PLD5: variants seen among roughly 807,000 people sequenced by gnomAD.
PLD5 encodes the protein inactive phospholipase D5.
A neutral mutation model predicts 61.1 loss-of-function variants in PLD5; 36 were observed. The observed-to-expected ratio is 0.59, with a 90% CI of 0.45 to 0.78. The LOEUF (loss-of-function observed/expected upper bound fraction) is 0.78, where lower values mean the gene tolerates loss of function less well. Ranked by LOEUF, PLD5 falls within the 30% of genes least tolerant of loss-of-function variation. The pLI is 0.00. For missense variants in PLD5, 515 were observed against 644.4 expected (o/e 0.80, Z 2.17); for synonymous variants, 243 against 242.8 (o/e 1.00, Z -0.01).
At chr1:242,527,344 C>G (rs1244929209), upstream of PLD5, among the ~76,000 whole-genome samples, 1 of 152,014 alleles carries the variant, frequency 6.6e-6, no homozygotes, top group African/African-American at 2.4e-5. Context: ...CCATGTAGCC[C>G]AGGCTGGTCT....
intron 7 of PLD5, among the ~76,000 whole-genome samples, chr1:242,110,561 G>C (rs1197934002): frequency 3.9e-5 from 6 of 152,172 alleles, no homozygotes; most frequent in Non-Finnish European, 7.3e-5. Context: ...TGTAATCCTA[G>C]TACTTTGGGA....
At chr1:242,245,132 A>G (rs1672282150) in intron 4 of PLD5, among the ~76,000 whole-genome samples, 1 of 152,170 alleles carries the variant, frequency 6.6e-6, no homozygotes, top group Non-Finnish European at 1.5e-5. Flanking sequence ...TCAGACTTGA[A>G]CCACTGTAAT....
chr1:242,396,035 TGAGACTCCATCTCAA>T (rs1199904314), intron 1 of PLD5, among the ~76,000 whole-genome samples: 1 of 151,900 alleles, frequency 6.6e-6, no homozygotes, highest in African/African-American at 2.4e-5. Context: ...GTAATAAGAA[TGAGACTCCATCTCAA>T]AAAAAAAAGT....
Position 242,148,008 on chromosome 1 carries a change from A to G in PLD5, c.736-23343T>C, listed in dbSNP as rs147773431. 1.4e-4 allele frequency among the ~76,000 whole-genome samples: 21 copies of G among 152,286 alleles called. 1 individual carries two copies. In the East Asian group the frequency reaches 4.0e-3, roughly 29 times the overall value. On this transcript the variant is annotated intron_variant, in intron 5 of 9. Transcript: ENST00000536534. ...TTCTCAGCAATTTATTCCAACAAAC[A>G]GTACTTAATTTTGATAAAATTCAAT...
intron 1 of PLD5, among the ~76,000 whole-genome samples, chr1:242,384,375 T>C (rs1662475590): frequency 6.6e-6 from 1 of 152,212 alleles, no homozygotes; most frequent in African/African-American, 2.4e-5. Flanking sequence ...CTTCCTGAGT[T>C]CTGAGGGGCT....
chr1:242,190,697 C>T (rs1253838751), intron 5 of PLD5, among the ~76,000 whole-genome samples: 6 of 151,316 alleles, frequency 4.0e-5, no homozygotes, highest in Admixed American at 3.3e-4. Context: ...GGCTGGGCAA[C>T]ATGGCAAAAC....
At chr1:242,495,185 A>G (rs868169800) in intron 1 of PLD5, among the ~76,000 whole-genome samples, 1 of 152,100 alleles carries the variant, frequency 6.6e-6, no homozygotes, top group Non-Finnish European at 1.5e-5. Context: ...AAATGCCTTC[A>G]TTGTCTAATT....
At chr1:242,175,205 A>G (rs567896832) in intron 5 of PLD5, among the ~76,000 whole-genome samples, 1 of 152,312 alleles carries the variant, frequency 6.6e-6, no homozygotes, top group South Asian at 2.1e-4. Flanking sequence ...ATCCTCAATA[A>G]AATACTGACA....
At chr1:242,519,202 C>A (rs1378693466) in intron 1 of PLD5, among the ~76,000 whole-genome samples, 22 of 152,218 alleles carry the variant, frequency 1.4e-4, no homozygotes, top group Non-Finnish European at 1.5e-5. Context: ...ACAGTATTTT[C>A]ATGGATCTGC....
At position 242,319,672 on chromosome 1, in the gene PLD5, C is replaced by T. The variant is rs145254455; in HGVS notation, c.326+28434G>A. The stretch of plus-strand genomic sequence containing the variant: ...TTTTACCCTGACCGTGTAAATTCAT[C>T]GTTAATCTTCTCAGGTATGGGACAA... On this transcript the variant is annotated intron_variant, in intron 2 of 9. Transcript: ENST00000536534. Among the ~76,000 whole-genome samples, 26 of 152,292 alleles carry T rather than the reference C, an allele frequency of 1.7e-4. No homozygotes were observed. The East Asian group carries it at 4.8e-3, about 28-fold the overall frequency.
intron 1 of PLD5, among the ~76,000 whole-genome samples, chr1:242,470,909 G>A (rs538852232): frequency 1.8e-3 from 267 of 152,320 alleles, no homozygotes; most frequent in Admixed American, 4.3e-3. Flanking sequence ...GGACTCAGGC[G>A]CTCCCCTTTG....
chr1:242,238,008 A>G (rs1347086016), intron 4 of PLD5, among the ~76,000 whole-genome samples: 1 of 152,028 alleles, frequency 6.6e-6, no homozygotes, highest in Non-Finnish European at 1.5e-5. Context: ...CCCTCCTGTA[A>G]CATAAATACT....
intron 1 of PLD5, among the ~76,000 whole-genome samples, chr1:242,520,741 G>A (rs918172808): frequency 1.3e-5 from 2 of 152,120 alleles, no homozygotes; most frequent in African/African-American, 2.4e-5. Context: ...CCAGCCTAAC[G>A]CCATGTTATC....
chr1:242,125,795 T>C (rs1257662828), intron 5 of PLD5, among the ~76,000 whole-genome samples: 1 of 152,100 alleles, frequency 6.6e-6, no homozygotes, highest in Non-Finnish European at 1.5e-5. Context: ...TATGAACCTG[T>C]CTCTCTTTGC....
chr1:242,345,941 C>T (rs1209513248), intron 2 of PLD5, among the ~76,000 whole-genome samples: 3 of 150,634 alleles, frequency 2.0e-5, no homozygotes, highest in African/African-American at 7.4e-5. Context: ...GAATGCAGAA[C>T]AGAAACACAG....
At chr1:242,518,574 G>C (rs1384375577) in intron 1 of PLD5, among the ~76,000 whole-genome samples, 3 of 152,040 alleles carry the variant, frequency 2.0e-5, no homozygotes, top group Non-Finnish European at 4.4e-5. Context: ...GAAGAACTAA[G>C]AACTAAAAAC....
intron 4 of PLD5, among the ~76,000 whole-genome samples, chr1:242,241,910 T>TATATATATATATATATAC (rs1210639780): frequency 6.0e-5 from 3 of 50,402 alleles, no homozygotes; most frequent in African/African-American, 1.6e-4. Flanking sequence ...TATATATATA[T>TATATATATATATATATAC]ACTTACTGTA....
intron 5 of PLD5, among the ~76,000 whole-genome samples, chr1:242,175,010 G>T (rs574614069): frequency 6.6e-6 from 1 of 152,190 alleles, no homozygotes; most frequent in South Asian, 2.1e-4. Context: ...CCTGCACGTT[G>T]TGCACATGTA....
chr1:242,347,669 C>A (rs1660215381), intron 2 of PLD5, among the ~76,000 whole-genome samples: 1 of 152,242 alleles, frequency 6.6e-6, no homozygotes, highest in South Asian at 2.1e-4. Context: ...CCTGTGTCTT[C>A]TCATCGACAC....
Sources: gnomAD v4.1 joint callset for allele counts (sites outside exome capture counted in the v4.1 genomes callset) on GRCh38, gnomAD v4.1.1 for gene constraint, MANE v1.5 for transcripts, NCBI Gene and HGNC (gene_info 2026-07-23, HGNC 2026-07-21) for gene names.